The following SPACA6 variants were observed in gnomAD, a reference collection of about 807,000 sequenced individuals.
SPACA6 encodes sperm acrosome membrane-associated protein 6.
For synonymous variants in SPACA6, 6 were observed against 1.5 expected (o/e 4.05, Z -2.21); for missense variants, 8 against 2.8 (o/e 2.88, Z -1.34).
intron 2 of SPACA6, among the ~76,000 whole-genome samples, chr19:51,695,940 G>A (rs886210090): frequency 6.6e-5 from 10 of 152,312 alleles, no homozygotes; most frequent in African/African-American, 2.2e-4. Context: ...CCTGTTGGGC[G>A]GTGGGTCATC....
chr19:51,702,550 T>C (rs2083477435), intron 3 of SPACA6, 79 bp from the exon 4 acceptor site: 2 of 395,818 alleles, frequency 5.1e-6, no homozygotes, highest in Non-Finnish European at 8.9e-6. Context: ...CTTCGGGCCT[T>C]GTAACATTAG....
Position 51,704,448 on chromosome 19 carries a change from C to T in SPACA6, c.909C>T (p.Ala303=), listed in dbSNP as rs1442102019. 7 of 401,112 alleles carry T rather than the reference C, an allele frequency of 1.7e-5. No individual in the cohort carries two copies. The highest frequency in any genetic ancestry group is 3.1e-5 in the Non-Finnish European group (7 of 226,254). 24.8% of individuals were successfully genotyped at this position (401,112 alleles called of 1,614,324 possible). Residue 303 remains alanine (A), a synonymous_variant, in exon 8 of 9, where the codon GCC becomes GCT. Transcript: ENST00000637797. Reference sequence around the variant, plus strand: ...TGTTCCTGCTTGCAGTCCTCGGGGCCCTCGCATCAGCGAGTGCGACAGTGT... The same window carrying T: ...TGTTCCTGCTTGCAGTCCTCGGGGCTCTCGCATCAGCGAGTGCGACAGTGT... ...SNLFLLAVLG[A]LASASATVLA...
chr19:51,709,531 CAAAAAAAA>C (rs56170768), downstream of SPACA6, among the ~76,000 whole-genome samples: 4 of 54,466 alleles, frequency 7.3e-5, no homozygotes, highest in Non-Finnish European at 1.0e-4. Context: ...AAAAAAAAGG[CAAAAAAAA>C]AAAAAAAAAA....
chr19:51,688,027 T>A (rs1239263522), upstream of SPACA6: 1 of 151,996 alleles, frequency 6.6e-6, no homozygotes, highest in Non-Finnish European at 1.5e-5. Context: ...CCCCCTCCAC[T>A]CCACACAGCC....
chr19:51,694,697 C>G (rs551416690), intron 2 of SPACA6, 142 bp downstream of exon 2: 47 of 397,594 alleles, frequency 1.2e-4, no homozygotes, highest in African/African-American at 8.6e-4. Context: ...AGACATTGAG[C>G]TCAGCTACTT....
chr19:51,694,262 A>AG (rs1285479304), intron 1 of SPACA6: 2 of 344,514 alleles, frequency 5.8e-6, no homozygotes, highest in Non-Finnish European at 1.0e-5. Flanking sequence ...GGCAGAGACT[A>AG]GGGGAAGCAG....
upstream of SPACA6, chr19:51,687,020 G>C (rs1029349981): frequency 6.6e-6 from 1 of 152,172 alleles, no homozygotes; most frequent in Non-Finnish European, 1.5e-5. Context: ...AGGTGTGGTG[G>C]CTCAGCCAAG....
At chr19:51,710,726 A>C (rs1189302706) in intron 2 of SPACA6, among the ~76,000 whole-genome samples, 1 of 152,222 alleles carries the variant, frequency 6.6e-6, no homozygotes, top group Admixed American at 6.5e-5. Context: ...GTAAGAGACG[A>C]GGATGAGAGG....
Position 51,701,650 on chromosome 19 carries a change from C to T in SPACA6, c.293-8C>T. 1 of 399,104 alleles carries T rather than the reference C, an allele frequency of 2.5e-6. No individual in the cohort carries two copies. The highest frequency in any genetic ancestry group is 4.4e-6 in the Non-Finnish European group (1 of 226,110). 24.7% of individuals were successfully genotyped at this position (399,104 alleles called of 1,614,324 possible). On this transcript the variant is annotated splice_polypyrimidine_tract_variant and splice_region_variant and intron_variant, in intron 2 of 8. Transcript: ENST00000637797. ...ACTACACAGGCCGTCCTCCCCTCCA[C>T]TCTCCAGGATCCTTTGAGGTTGCCT... is the stretch of plus-strand genomic sequence containing the variant.
At chr19:51,706,239 C>A (rs951082783), downstream of SPACA6, among the ~76,000 whole-genome samples, 2 of 152,114 alleles carry the variant, frequency 1.3e-5, no homozygotes, top group African/African-American at 4.8e-5. Context: ...TACTTCTTGC[C>A]CTCTCTAGGG....
chr19:51,684,857 T>C (rs924146557), upstream of SPACA6, among the ~76,000 whole-genome samples: 8 of 152,220 alleles, frequency 5.3e-5, no homozygotes, highest in Non-Finnish European at 1.2e-4. Context: ...CTCGTGATTT[T>C]AGGCTCTGCC....
chr19:51,692,688 TCA>T (rs772362608), upstream of SPACA6: 3 of 533,164 alleles, frequency 5.6e-6, no homozygotes, highest in Non-Finnish European at 1.2e-5. The surrounding 1 kb of genome is among the most constrained non-coding windows in gnomAD (Gnocchi z 5.6). Flanking sequence ...TGTCGGGGGC[TCA>T]CCATCGCGGC....
At chr19:51,686,615 T>C (rs987827938), upstream of SPACA6, 2 of 152,156 alleles carry the variant, frequency 1.3e-5, no homozygotes, top group Non-Finnish European at 1.5e-5. Context: ...TCCTTAGAAA[T>C]AGCATATTTT....
chr19:51,709,650 A>C (rs1442782951), downstream of SPACA6, among the ~76,000 whole-genome samples: 1 of 148,154 alleles, frequency 6.7e-6, no homozygotes, highest in African/African-American at 2.5e-5. Context: ...ATAAAAGATG[A>C]GCGTCACGGG....
intron 2 of SPACA6, among the ~76,000 whole-genome samples, chr19:51,697,353 G>C (rs2083437640): frequency 6.6e-6 from 1 of 152,264 alleles, no homozygotes; most frequent in East Asian, 1.9e-4. Flanking sequence ...ACAGTGGTCC[G>C]GGGGCCCAGA....
At chr19:51,696,911 G>A (rs550476002) in intron 2 of SPACA6, among the ~76,000 whole-genome samples, 11 of 152,268 alleles carry the variant, frequency 7.2e-5, no homozygotes, top group East Asian at 3.9e-4. Flanking sequence ...CCTGGGGCCC[G>A]TGGGGCTGGA....
At chr19:51,683,576 C>A in the SPACA6 span, among the ~76,000 whole-genome samples, 1 of 152,070 alleles carries the variant, frequency 6.6e-6, no homozygotes, top group Non-Finnish European at 1.5e-5. Flanking sequence ...AGTAAAAATA[C>A]CTTCATAAGA....
At position 51,703,188 on chromosome 19, in the gene SPACA6, G is replaced by A. The variant is rs1035306099; in HGVS notation, c.464-40G>A. 8 of 399,356 alleles carry A rather than the reference G, an allele frequency of 2.0e-5. No individual in the cohort carries two copies. Among genetic ancestry groups the A allele is most frequent in the Admixed American group, 1.3e-4 (3 of 22,724 alleles). 24.7% of individuals were successfully genotyped at this position (399,356 alleles called of 1,614,324 possible). ...GCATAAGCTGGTGGCGAGGCCAGAC[G>A]TGGTCGGGGCCCAGCGAGTGAACCC... On this transcript the variant is annotated intron_variant, in intron 5 of 8. Coordinates refer to ENST00000637797, the MANE Select transcript of SPACA6 (RefSeq NM_001316972.2). This position sits in a 1 kb window ranked among gnomAD's most constrained non-coding sequence, Gnocchi z 4.2.
At chr19:51,692,748 G>A (rs777221404), upstream of SPACA6, 4 of 532,206 alleles carry the variant, frequency 7.5e-6, no homozygotes, top group Admixed American at 7.8e-5. The surrounding 1 kb of genome is among the most constrained non-coding windows in gnomAD (Gnocchi z 5.6). Context: ...CCTGGTCCCT[G>A]TCTGTCTGTC....
Sources: gnomAD v4.1 joint callset for allele counts (sites outside exome capture counted in the v4.1 genomes callset) on GRCh38, gnomAD v4.1.1 for gene constraint, Gnocchi (gnomAD v3.1) non-coding constraint, MANE v1.5 for transcripts, NCBI Gene and HGNC (gene_info 2026-07-23, HGNC 2026-07-21) for gene names.